Variants in HIRA observed in about 807,000 individuals in gnomAD.
HIRA encodes the protein histone cell cycle regulator, also known as protein HIRA.
HIRA carries 13 observed loss-of-function variants against 126.6 expected under a neutral mutation model. The observed-to-expected ratio is 0.10, with a 90% CI of 0.07 to 0.16. HIRA has a LOEUF of 0.16. Among genes scored for constraint, HIRA ranks in the 10% least tolerant of loss-of-function variants. The pLI, the probability that HIRA is intolerant of heterozygous loss-of-function variation, is 1.00. For synonymous variants in HIRA, 511 were observed against 520.0 expected, an observed-to-expected ratio of 0.98 and a Z score of 0.24; for missense variants, 834 against 1,314.4, an observed-to-expected ratio of 0.63 and a Z score of 5.65.
intron 14 of HIRA, among the ~76,000 whole-genome samples, chr22:19,377,244 A>C (rs1209423057): frequency 6.6e-6 from 1 of 152,110 alleles, no homozygotes; most frequent in Non-Finnish European, 1.5e-5. Flanking sequence ...ACCAGCCTAC[A>C]CACTCCCTGA....
chr22:19,366,886 C>T (rs948088942), intron 15 of HIRA, among the ~76,000 whole-genome samples: 2 of 152,102 alleles, frequency 1.3e-5, no homozygotes, highest in Non-Finnish European at 2.9e-5. Flanking sequence ...TCAGCCTCCC[C>T]GAGTAGCTAG....
intron 10 of HIRA, among the ~76,000 whole-genome samples, chr22:19,388,122 CT>C (rs2146220976): frequency 6.6e-6 from 1 of 152,244 alleles, no homozygotes; most frequent in Non-Finnish European, 1.5e-5. Flanking sequence ...ATAAAAAAAA[CT>C]TGACAAAGTA....
chr22:19,337,104 CTTTTTT>C (rs1157049673), intron 24 of HIRA, among the ~76,000 whole-genome samples: 2 of 148,426 alleles, frequency 1.3e-5, no homozygotes, highest in Non-Finnish European at 3.0e-5. Context: ...TTTTCTTTTT[CTTTTTT>C]TTTTGAGACA....
At chr22:19,430,940 C>T (rs1463886368) in intron 1 of HIRA, among the ~76,000 whole-genome samples, 1 of 152,200 alleles carries the variant, frequency 6.6e-6, no homozygotes, top group Non-Finnish European at 1.5e-5. Context: ...GCCCCCAAAC[C>T]CTCCTATTTA....
chr22:19,429,826 G>T (rs868338985), intron 1 of HIRA, among the ~76,000 whole-genome samples: 6 of 152,284 alleles, frequency 3.9e-5, no homozygotes, highest in South Asian at 2.1e-4. Context: ...ACTGATTTAG[G>T]TAAAGCATTT....
intron 24 of HIRA, among the ~76,000 whole-genome samples, chr22:19,334,190 T>C (rs2088533014): frequency 6.6e-6 from 1 of 151,544 alleles, no homozygotes; most frequent in Non-Finnish European, 1.5e-5. Flanking sequence ...TTAGCAAGGA[T>C]GGTCTCGATC....
chr22:19,400,581 A>G (rs187944278), intron 5 of HIRA, among the ~76,000 whole-genome samples: 16 of 152,302 alleles, frequency 1.1e-4, no homozygotes, highest in African/African-American at 3.6e-4. Context: ...ATCCACATAC[A>G]TGACATAATT....
intron 5 of HIRA, among the ~76,000 whole-genome samples, chr22:19,398,569 T>A (rs886216889): frequency 6.6e-6 from 1 of 152,186 alleles, no homozygotes; most frequent in Non-Finnish European, 1.5e-5. Flanking sequence ...ATGGACTGGG[T>A]CTCATCTCCC....
At chr22:19,358,095 G>A (rs781851674) in intron 18 of HIRA, among the ~76,000 whole-genome samples, 4 of 152,114 alleles carry the variant, frequency 2.6e-5, no homozygotes, top group African/African-American at 4.8e-5. Context: ...CGCCTCCCCA[G>A]TTCAAGCGAT....
At chr22:19,342,673 C>G (rs2088644366) in intron 24 of HIRA, among the ~76,000 whole-genome samples, 1 of 152,216 alleles carries the variant, frequency 6.6e-6, no homozygotes, top group South Asian at 2.1e-4. Context: ...CAGGCATGAG[C>G]CACTGCACCT....
chr22:19,381,234 G>A (rs1165995096), intron 13 of HIRA, among the ~76,000 whole-genome samples: 4 of 152,182 alleles, frequency 2.6e-5, no homozygotes, highest in Non-Finnish European at 5.9e-5. Context: ...ATTGTATCCT[G>A]CCATGTGACT....
At chr22:19,407,035 C>T (rs1417384956) in intron 4 of HIRA, 149 bp downstream of exon 4, 5 of 631,342 alleles carry the variant, frequency 7.9e-6, no homozygotes, top group African/African-American at 1.8e-5. Context: ...GGTCAGGCTC[C>T]ACCTGCTCCT....
chr22:19,398,141 C>T, intron 5 of HIRA, 54 bp from the exon 6 acceptor site: 1 of 1,403,314 alleles, frequency 7.1e-7, no homozygotes, highest in Non-Finnish European at 1.0e-6. Flanking sequence ...ATGCCCTTGT[C>T]TATTAGCTTG....
At position 19,390,601 on chromosome 22, in the gene HIRA, CAAAA is replaced by C. The variant is rs575050947; in HGVS notation, c.936+1496_936+1499del. Among the ~76,000 whole-genome samples, 31 of 38,338 alleles carry C rather than the reference CAAAA, an allele frequency of 8.1e-4. No homozygotes were observed. In the South Asian group the frequency reaches 0.013, roughly 16 times the overall value. The allele number at this position is 38,338 out of a possible 152,430, so 25.2% of individuals were successfully genotyped here. On this transcript the variant is annotated intron_variant, in intron 9 of 24. Coordinates refer to ENST00000263208, the MANE Select transcript of HIRA (RefSeq NM_003325.4). ...TGGGCAATAGAGGGAGACTCTGTCT[CAAAA>C]AAAAAAAAAAAAAAAAAAAAAAGAA...
chr22:19,404,706 C>T (rs2089294836), intron 5 of HIRA, among the ~76,000 whole-genome samples: 1 of 152,172 alleles, frequency 6.6e-6, no homozygotes, highest in South Asian at 2.1e-4. Context: ...CTTGACATTT[C>T]TTCCCCTACC....
chr22:19,343,053 G>A (rs1376550194), intron 24 of HIRA, among the ~76,000 whole-genome samples: 1 of 152,178 alleles, frequency 6.6e-6, no homozygotes, highest in Non-Finnish European at 1.5e-5. Context: ...CTATGAGGAT[G>A]CAAAGGTATA....
intron 15 of HIRA, among the ~76,000 whole-genome samples, chr22:19,368,867 C>A (rs2146204077): frequency 6.6e-6 from 1 of 152,288 alleles, no homozygotes; most frequent in African/African-American, 2.4e-5. Context: ...GCTGCTCCAC[C>A]CTCTCTGGTT....
At chr22:19,407,320 C>G in intron 3 of HIRA, 46 bp from the exon 4 acceptor site, 1 of 1,467,026 alleles carries the variant, frequency 6.8e-7, no homozygotes, top group Non-Finnish European at 9.5e-7. Flanking sequence ...GTAGTCATGC[C>G]CATTTGCTTT....
intron 17 of HIRA, among the ~76,000 whole-genome samples, chr22:19,359,723 T>C (rs2088846556): frequency 6.6e-6 from 1 of 152,172 alleles, no homozygotes; most frequent in African/African-American, 2.4e-5. Flanking sequence ...CTGTCATTTG[T>C]GTAGTTGAAC....
Sources: allele counts gnomAD v4.1 joint callset (sites outside exome capture counted in the v4.1 genomes callset), GRCh38; gene constraint gnomAD v4.1.1; transcripts MANE v1.5; gene names NCBI Gene and HGNC (gene_info 2026-07-23, HGNC 2026-07-21).